The following HLCS variants were observed in gnomAD, a reference collection of about 807,000 sequenced individuals.
HLCS encodes the protein biotin--protein ligase.
HLCS carries 53 observed loss-of-function variants against 75.0 expected under a neutral mutation model. That is an observed-to-expected ratio of 0.71 (90% CI 0.57 to 0.89). HLCS has a LOEUF of 0.89. HLCS is among the 40% of genes least tolerant of loss of function. The pLI is 0.00. For synonymous variants in HLCS, 431 were observed against 428.6 expected (o/e 1.01, Z -0.07); for missense variants, 966 against 1,074.0 (o/e 0.90, Z 1.41).
At chr21:36,795,433 T>C (rs921360843) in intron 6 of HLCS, among the ~76,000 whole-genome samples, 1 of 149,910 alleles carries the variant, frequency 6.7e-6, no homozygotes, top group African/African-American at 2.4e-5. Flanking sequence ...GATGACAATA[T>C]GCAACTTTCC....
chr21:36,869,305 T>C (rs535419176), intron 6 of HLCS, among the ~76,000 whole-genome samples: 1 of 152,014 alleles, frequency 6.6e-6, no homozygotes, highest in Non-Finnish European at 1.5e-5. Context: ...TCTAATCTTT[T>C]GTATTTTTCG....
chr21:36,957,497 T>C (rs913275368), intron 2 of HLCS, among the ~76,000 whole-genome samples: 1 of 152,230 alleles, frequency 6.6e-6, no homozygotes, highest in African/African-American at 2.4e-5. Flanking sequence ...ACAAGGCCTC[T>C]TTGTAGTTCA....
rs2068594137 is a variant in HLCS, at chr21:36,966,503, G to A, written c.136C>T (p.Pro46Ser). ...CGGCTCAGGCACACGCGGGCGCCCG[G>A]GGGCTGCGCGGCCGCGCCGCAGAAG... ...FTFCGAAAQP[P>S]GARVCLSRGG... is the part of the protein sequence containing the mutation. The change falls in exon 1 of 11, where the codon CCG becomes TCG. Residue 46 changes from proline (P) to serine (S), a missense_variant. Physicochemically the swap from Pro to Ser is moderately conservative, Grantham distance 74. Transcript: ENST00000674895. 1 of 983,362 alleles carries A rather than the reference G, an allele frequency of 1.0e-6. No homozygotes were observed. 60.9% of individuals were successfully genotyped at this position (983,362 alleles called of 1,614,324 possible). A position where few individuals can be genotyped will look rare whatever the true frequency, so the allele number is the denominator to read the frequency against.
intron 6 of HLCS, among the ~76,000 whole-genome samples, chr21:36,777,464 C>A (rs1175522256): frequency 6.6e-6 from 1 of 152,260 alleles, no homozygotes; most frequent in Non-Finnish European, 1.5e-5. Flanking sequence ...CAGATCTCAT[C>A]TATAGAGTGT....
At chr21:36,955,778 G>C (rs994347320) in intron 2 of HLCS, among the ~76,000 whole-genome samples, 2 of 152,122 alleles carry the variant, frequency 1.3e-5, no homozygotes, top group African/African-American at 4.8e-5. Flanking sequence ...TCACTGACTC[G>C]CCCTGAGCCA....
intron 9 of HLCS, chr21:36,757,071 G>T: frequency 2.2e-6 from 1 of 449,176 alleles, no homozygotes; most frequent in Non-Finnish European, 2.9e-6. Flanking sequence ...ACGTATCAGT[G>T]TTGCCTCTGA....
intron 6 of HLCS, among the ~76,000 whole-genome samples, chr21:36,808,710 T>G (rs2061428226): frequency 6.6e-6 from 1 of 152,210 alleles, no homozygotes; most frequent in Admixed American, 6.5e-5. Context: ...AAACTAGTAT[T>G]TTGTGTTGAT....
intron 2 of HLCS, among the ~76,000 whole-genome samples, chr21:36,951,591 G>A (rs1036115917): frequency 3.3e-5 from 5 of 152,100 alleles, no homozygotes; most frequent in Non-Finnish European, 5.9e-5. Flanking sequence ...TACAAACAGG[G>A]AATGTCATCT....
At chr21:36,944,607 GT>G (rs961139701) in intron 2 of HLCS, among the ~76,000 whole-genome samples, 12 of 152,004 alleles carry the variant, frequency 7.9e-5, no homozygotes, top group Admixed American at 7.2e-4. Flanking sequence ...TTTGGTTTTG[GT>G]TTTTTAATTG....
chr21:36,921,803 C>A (rs1601748839), intron 5 of HLCS, among the ~76,000 whole-genome samples: 1 of 152,170 alleles, frequency 6.6e-6, no homozygotes, highest in African/African-American at 2.4e-5. Context: ...AACACCTACA[C>A]AACAAAATTG....
intron 6 of HLCS, among the ~76,000 whole-genome samples, chr21:36,833,152 C>T (rs922806180): frequency 3.9e-5 from 6 of 151,990 alleles, no homozygotes; most frequent in Non-Finnish European, 1.5e-5. Flanking sequence ...TCCCAACCTG[C>T]TGGGACTACA....
intron 5 of HLCS, among the ~76,000 whole-genome samples, chr21:36,913,915 G>C (rs1182393470): frequency 6.6e-6 from 1 of 152,204 alleles, no homozygotes; most frequent in African/African-American, 2.4e-5. Context: ...GTTTCTGCAG[G>C]AAAGAGGTGT....
At chr21:36,852,209 T>C (rs572804530) in intron 6 of HLCS, among the ~76,000 whole-genome samples, 35 of 152,280 alleles carry the variant, frequency 2.3e-4, no homozygotes, top group Non-Finnish European at 4.0e-4. Flanking sequence ...TGGTCTCACC[T>C]TCCAGAATAC....
chr21:36,931,467 A>C (rs2066639053), intron 4 of HLCS, among the ~76,000 whole-genome samples: 1 of 151,848 alleles, frequency 6.6e-6, no homozygotes. Flanking sequence ...CGTTTGCAGG[A>C]GGCTGGGTAT....
intron 5 of HLCS, among the ~76,000 whole-genome samples, chr21:36,899,861 T>C (rs2065163990): frequency 2.0e-5 from 3 of 152,132 alleles, no homozygotes; most frequent in African/African-American, 7.2e-5. Flanking sequence ...CCCAGCACTT[T>C]GAGAGGCTAA....
chr21:36,966,929 G>A (rs939617815), upstream of HLCS, among the ~76,000 whole-genome samples: 1 of 151,618 alleles, frequency 6.6e-6, no homozygotes, highest in Non-Finnish European at 1.5e-5. Context: ...TGTGCACCGG[G>A]GTCAGGGGAC....
At chr21:36,960,306 C>T (rs565370051) in intron 2 of HLCS, among the ~76,000 whole-genome samples, 4 of 152,150 alleles carry the variant, frequency 2.6e-5, no homozygotes, top group East Asian at 1.9e-4. Flanking sequence ...CAGAAGGCAC[C>T]GCTAGCCACA....
At chr21:36,817,792 T>A (rs991622250) in intron 6 of HLCS, among the ~76,000 whole-genome samples, 2 of 152,216 alleles carry the variant, frequency 1.3e-5, no homozygotes, top group Non-Finnish European at 2.9e-5. Flanking sequence ...GTGCAATTGT[T>A]CAATTTGCAA....
At position 36,825,792 on chromosome 21, in the gene HLCS, T is replaced by TA. The variant is rs56027093; in HGVS notation, c.1893-58508dup. ...AGCTTCTAGACAATAAGCAGCAAGT[T>TA]AGAGACTAGAACAATTTCACGGATA... On this transcript the variant is annotated intron_variant, in intron 6 of 10. Coordinates refer to ENST00000674895, the MANE Select transcript of HLCS (RefSeq NM_001352514.2). 4.9e-3 allele frequency among the ~76,000 whole-genome samples: 749 copies of TA among 152,264 alleles called. 3 individuals carry two copies. The highest frequency in any genetic ancestry group is 7.2e-3 in the Non-Finnish European group (493 of 68,014).
Sources: allele counts gnomAD v4.1 joint callset (sites outside exome capture counted in the v4.1 genomes callset), GRCh38; gene constraint gnomAD v4.1.1; transcripts MANE v1.5; gene names NCBI Gene and HGNC (gene_info 2026-07-23, HGNC 2026-07-21).